PDE1C: variants seen among roughly 807,000 people sequenced by gnomAD.
PDE1C encodes the protein phosphodiesterase 1C.
Under a neutral mutation model 93.1 loss-of-function variants are expected in PDE1C, and 62 were observed. The ratio of observed to expected loss-of-function variants is 0.67; its 90% CI spans 0.54 to 0.82. The LOEUF (loss-of-function observed/expected upper bound fraction) is 0.82, where lower values mean the gene tolerates loss of function less well. PDE1C is among the 40% of genes least tolerant of loss of function. The pLI is 0.00. For synonymous variants in PDE1C, 325 were observed against 310.1 expected, an observed-to-expected ratio of 1.05 and a Z score of -0.50; for missense variants, 742 against 884.6, an observed-to-expected ratio of 0.84 and a Z score of 2.04.
chr7:31,942,226 G>C (rs984892395), intron 2 of PDE1C, among the ~76,000 whole-genome samples: 23 of 152,284 alleles, frequency 1.5e-4, no homozygotes, highest in Middle Eastern at 3.4e-3. Flanking sequence ...GCTCAGGGCA[G>C]AAATCAAAAG....
chr7:31,820,080 A>T (rs965746402), intron 14 of PDE1C, among the ~76,000 whole-genome samples: 2 of 152,258 alleles, frequency 1.3e-5, no homozygotes, highest in Admixed American at 1.3e-4. Flanking sequence ...AATGAGAAAA[A>T]TATGTAAACG....
chr7:32,166,342 G>C (rs934252839), intron 3 of PDE1C, among the ~76,000 whole-genome samples: 4 of 152,140 alleles, frequency 2.6e-5, no homozygotes, highest in African/African-American at 9.7e-5. Flanking sequence ...TTGTTTCTTG[G>C]AGAGTAAAGA....
intron 12 of PDE1C, among the ~76,000 whole-genome samples, chr7:31,827,648 A>T (rs1789861296): frequency 6.6e-6 from 1 of 152,134 alleles, no homozygotes; most frequent in South Asian, 2.1e-4. Context: ...ATTCTTATTG[A>T]ATTTTCTTAA....
chr7:32,363,840 C>A (rs1056734150), intron 1 of PDE1C, among the ~76,000 whole-genome samples: 2 of 152,174 alleles, frequency 1.3e-5, no homozygotes, highest in Non-Finnish European at 1.5e-5. Context: ...ATTAACAATA[C>A]CTGTAAATAA....
chr7:31,919,554 G>C (rs988651365), intron 2 of PDE1C, among the ~76,000 whole-genome samples: 2 of 152,034 alleles, frequency 1.3e-5, no homozygotes, highest in Admixed American at 6.6e-5. Context: ...AGAAAAAAAA[G>C]ACCCTAACCT....
chr7:31,865,623 C>T (rs577104464), intron 6 of PDE1C, among the ~76,000 whole-genome samples: 3 of 152,152 alleles, frequency 2.0e-5, no homozygotes, highest in African/African-American at 7.2e-5. Flanking sequence ...ATGAAATCTT[C>T]CAAATTCCAA....
At chr7:31,879,344 T>G in intron 3 of PDE1C, 166 bp from the exon 4 acceptor site, 1 of 608,526 alleles carries the variant, frequency 1.6e-6, no homozygotes, top group Non-Finnish European at 2.8e-6. Flanking sequence ...TTATGTAAGC[T>G]CGCCATGTGT....
At chr7:31,748,707 G>A (rs971715218), downstream of PDE1C, among the ~76,000 whole-genome samples, 5 of 152,134 alleles carry the variant, frequency 3.3e-5, no homozygotes, top group African/African-American at 1.2e-4. Context: ...GCCTTCTCTT[G>A]CCTCAACTGG....
chr7:32,146,543 T>C (rs1474595083), intron 3 of PDE1C, among the ~76,000 whole-genome samples: 2 of 152,166 alleles, frequency 1.3e-5, no homozygotes, highest in Non-Finnish European at 1.5e-5. Flanking sequence ...CAGGATACCT[T>C]TGATTGTATT....
chr7:31,993,055 G>A (rs1017298126), intron 2 of PDE1C, among the ~76,000 whole-genome samples: 11 of 152,076 alleles, frequency 7.2e-5, no homozygotes, highest in Admixed American at 6.5e-4. Context: ...CATTTCTTAT[G>A]GATGCTTTTC....
intron 16 of PDE1C, among the ~76,000 whole-genome samples, chr7:31,792,604 GAGA>G (rs1784713547): frequency 6.6e-6 from 1 of 152,102 alleles, no homozygotes. Flanking sequence ...TAATCTCACA[GAGA>G]AGGAGCACCT....
intron 2 of PDE1C, among the ~76,000 whole-genome samples, chr7:32,003,570 C>A (rs1785762414): frequency 6.6e-6 from 1 of 152,188 alleles, no homozygotes; most frequent in East Asian, 1.9e-4. Context: ...GGATAAAGTA[C>A]AAACTTAGGG....
chr7:32,227,149 C>T (rs546718047), intron 1 of PDE1C, among the ~76,000 whole-genome samples: 1 of 152,130 alleles, frequency 6.6e-6, no homozygotes, highest in African/African-American at 2.4e-5. Flanking sequence ...ACCGGGAACC[C>T]TGAACTGCAA....
intron 2 of PDE1C, among the ~76,000 whole-genome samples, chr7:31,918,034 G>A (rs1802147151): frequency 6.6e-6 from 1 of 152,144 alleles, no homozygotes; most frequent in African/African-American, 2.4e-5. Flanking sequence ...CTAAGCCCCA[G>A]GAGATTTACA....
the PDE1C span, chr7:31,653,441 T>G: frequency 6.5e-6 from 1 of 153,462 alleles, no homozygotes; most frequent in Non-Finnish European, 1.5e-5. Context: ...CAATCAGATA[T>G]GCATTTGTCT....
intron 9 of PDE1C, among the ~76,000 whole-genome samples, chr7:31,838,636 A>G (rs1791420064): frequency 2.6e-5 from 4 of 152,178 alleles, no homozygotes; most frequent in African/African-American, 9.6e-5. Flanking sequence ...ATATCCATAC[A>G]GAATAGATTC....
chr7:31,897,589 A>T (rs1799465014), intron 2 of PDE1C, among the ~76,000 whole-genome samples: 1 of 152,166 alleles, frequency 6.6e-6, no homozygotes, highest in Admixed American at 6.5e-5. Flanking sequence ...GCATATTTTT[A>T]AACATCTCTC....
At chr7:32,288,646 C>T (rs975239370) in intron 1 of PDE1C, among the ~76,000 whole-genome samples, 1 of 152,176 alleles carries the variant, frequency 6.6e-6, no homozygotes, top group Non-Finnish European at 1.5e-5. Context: ...TGACTCGATA[C>T]AATTTGAAAA....
In PDE1C at chr7:32,037,174, C is replaced by G. The variant is rs1373273120; in HGVS notation, c.128+14380G>C. 2.6e-5 allele frequency among the ~76,000 whole-genome samples: 4 copies of G among 152,112 alleles called. No individual in the cohort carries two copies. In the East Asian group the frequency reaches 7.7e-4, roughly 29 times the overall value. Reference sequence around the variant, plus strand: ...GTAGGAGTCTTTATTTTCCCTGATTCTTATTTTAAAGTGATTCCTGGTTTC... The same window carrying G: ...GTAGGAGTCTTTATTTTCCCTGATTGTTATTTTAAAGTGATTCCTGGTTTC... On this transcript the variant is annotated intron_variant, in intron 2 of 17. Coordinates refer to ENST00000396191, the MANE Select transcript of PDE1C (RefSeq NM_001191057.4).
Sources: gnomAD v4.1 joint callset for allele counts (sites outside exome capture counted in the v4.1 genomes callset) on GRCh38, gnomAD v4.1.1 for gene constraint, MANE v1.5 for transcripts, NCBI Gene and HGNC (gene_info 2026-07-23, HGNC 2026-07-21) for gene names.